SLC22A2: variants seen among roughly 807,000 people sequenced by gnomAD.
SLC22A2 encodes the protein organic cation transporter 2.
In SLC22A2, 46 loss-of-function variants were observed where a neutral mutation model predicts 60.5. That is an observed-to-expected ratio of 0.76 (90% CI 0.60 to 0.97). The LOEUF (loss-of-function observed/expected upper bound fraction) is 0.97. Among genes scored for constraint, SLC22A2 ranks in the 50% least tolerant of loss-of-function variants. SLC22A2 has a pLI of 0.00. For synonymous variants in SLC22A2, 303 were observed against 267.0 expected, an observed-to-expected ratio of 1.13 and a Z score of -1.31; for missense variants, 701 against 706.6, an observed-to-expected ratio of 0.99 and a Z score of 0.09.
At chr6:160,256,060 G>C (rs185533469) in intron 2 of SLC22A2, among the ~76,000 whole-genome samples, 2 of 152,076 alleles carry the variant, frequency 1.3e-5, no homozygotes, top group East Asian at 3.9e-4. Flanking sequence ...TTTACCCCTC[G>C]TGTTGTAGGC....
intron 3 of SLC22A2, among the ~76,000 whole-genome samples, chr6:160,249,673 A>C (rs538761538): frequency 1.3e-5 from 2 of 152,388 alleles, no homozygotes; most frequent in African/African-American, 4.8e-5. Context: ...TTTCAGATAC[A>C]TGCAAGATTT....
At chr6:160,229,939 A>G (rs1782791388) in intron 9 of SLC22A2, among the ~76,000 whole-genome samples, 1 of 151,816 alleles carries the variant, frequency 6.6e-6, no homozygotes, top group Non-Finnish European at 1.5e-5. Flanking sequence ...AAATGGGCAA[A>G]CGGTCTGAGG....
In SLC22A2 at chr6:160,253,380, T is replaced by G. The variant is rs148595162; in HGVS notation, c.519-2678A>C. On this transcript the variant is annotated intron_variant, in intron 2 of 10. Coordinates refer to ENST00000366953, the MANE Select transcript of SLC22A2 (RefSeq NM_003058.4). ...TGGTAACTTCTGGGTTGTAGAGTCATTGCCATTAAAAGGGGCTGGAGATTG... is the reference window on the plus strand; with the variant it reads ...TGGTAACTTCTGGGTTGTAGAGTCAGTGCCATTAAAAGGGGCTGGAGATTG... Among the ~76,000 whole-genome samples the G allele has an allele frequency of 7.1e-3, 1,089 of 152,328 alleles. 10 individuals carry two copies. The highest frequency in any genetic ancestry group is 0.025 in the African/African-American group (1,050 of 41,576).
At position 160,256,663 on chromosome 6, in the gene SLC22A2, T is replaced by C; in HGVS notation, c.469A>G (p.Asn157Asp). 1 of 1,614,148 alleles carries C rather than the reference T, an allele frequency of 6.2e-7. No individual in the cohort carries two copies. The highest frequency in any genetic ancestry group is 1.3e-5 in the African/African-American group (1 of 75,050). The change falls in exon 2 of 11, where the codon AAT becomes GAT. Residue 157 changes from asparagine to aspartate, a missense_variant. Coordinates refer to ENST00000366953, the MANE Select transcript of SLC22A2 (RefSeq NM_003058.4). The stretch of plus-strand genomic sequence containing the variant: ...ATAGAGCCAATAAAGAATCCTACAT[T>C]CACTGATGACTGGAATAGGTCCAAC... ...WMLDLFQSSV[N>D]VGFFIGSMSI...
rs112710522 is a variant in SLC22A2, at chr6:160,250,473, T to C, written c.673+75A>G. On this transcript the variant is annotated intron_variant, in intron 3 of 10. Coordinates refer to ENST00000366953, the MANE Select transcript of SLC22A2 (RefSeq NM_003058.4). ...TTGAAGCTGGGTCCCTTTTCTTGCA[T>C]GCCGCCCCCCACCTGACTCTATTTT... 2.4e-3 allele frequency: 3,480 copies of C among 1,449,902 alleles called. 69 individuals carry two copies. The African/African-American group carries it at 0.043, about 18-fold the overall frequency. The allele number at this position is 1,449,902 out of a possible 1,614,324, so 89.8% of individuals were successfully genotyped here. A position where few individuals can be genotyped will look rare whatever the true frequency, so the allele number is the denominator to read the frequency against.
intron 10 of SLC22A2, among the ~76,000 whole-genome samples, chr6:160,221,002 A>G (rs1422382456): frequency 3.9e-5 from 6 of 152,212 alleles, no homozygotes; most frequent in African/African-American, 1.4e-4. Context: ...CACCCTTCAC[A>G]AGAGAGTCAA....
intron 9 of SLC22A2, among the ~76,000 whole-genome samples, 198 bp downstream of exon 9, chr6:160,241,276 G>A (rs1782996065): frequency 6.6e-6 from 1 of 151,888 alleles, no homozygotes; most frequent in Non-Finnish European, 1.5e-5. Context: ...TTATTGATTA[G>A]TATTACTAAT....
intron 9 of SLC22A2, among the ~76,000 whole-genome samples, chr6:160,233,712 C>T (rs1408812607): frequency 6.6e-6 from 1 of 151,792 alleles, no homozygotes; most frequent in Non-Finnish European, 1.5e-5. Context: ...TTCTATATGA[C>T]AAATGCGCCT....
At chr6:160,245,769 G>T (rs9766047) in intron 5 of SLC22A2, among the ~76,000 whole-genome samples, 13,971 of 145,848 alleles carry the variant, frequency 0.096, 743 homozygotes, top group Non-Finnish European at 0.12. Flanking sequence ...TGCAATCTCG[G>T]CTCACTGCAA....
rs368405390 is a variant in SLC22A2 at position 160,254,338 on chromosome 6, AC to A, written c.518+2275del. 2.8e-3 allele frequency among the ~76,000 whole-genome samples: 428 copies of A among 152,300 alleles called. 3 individuals are homozygous for A. The highest frequency in any genetic ancestry group is 1.0e-2 in the African/African-American group (414 of 41,544). On this transcript the variant is annotated intron_variant, in intron 2 of 10. Transcript: ENST00000366953. ...ATTGCTGCTTGTTAAAATTAAAAAA[AC>A]CCTGGGATTGGTGAGGAATTGCTTT...
intron 3 of SLC22A2, among the ~76,000 whole-genome samples, chr6:160,249,994 A>G (rs1783157445): frequency 6.6e-6 from 1 of 152,216 alleles, no homozygotes; most frequent in African/African-American, 2.4e-5. Flanking sequence ...TTAGAAGTCA[A>G]ATATTCTCTT....
chr6:160,243,483 C>T, intron 7 of SLC22A2, 89 bp downstream of exon 7: 1 of 1,010,874 alleles, frequency 9.9e-7, no homozygotes, highest in Non-Finnish European at 1.5e-6. Flanking sequence ...ATTTGGATGA[C>T]AAATTACATG....
intron 4 of SLC22A2, among the ~76,000 whole-genome samples, chr6:160,247,928 G>A (rs928955958): frequency 2.0e-5 from 3 of 152,194 alleles, no homozygotes; most frequent in Admixed American, 2.0e-4. Flanking sequence ...GGCTGCTGCT[G>A]TGGCAGTTAT....
chr6:160,258,033 G>A, intron 1 of SLC22A2: 1 of 308,118 alleles, frequency 3.2e-6, no homozygotes, highest in Non-Finnish European at 6.0e-6. Context: ...AAAAGAGGAG[G>A]ATCCACAATA....
chr6:160,225,020 C>T (rs1350002770), intron 9 of SLC22A2, among the ~76,000 whole-genome samples: 1 of 152,130 alleles, frequency 6.6e-6, no homozygotes, highest in African/African-American at 2.4e-5. Flanking sequence ...AAATGAAATA[C>T]TTAACATTTT....
At chr6:160,228,476 T>G (rs935722819) in intron 9 of SLC22A2, among the ~76,000 whole-genome samples, 3 of 152,190 alleles carry the variant, frequency 2.0e-5, no homozygotes, top group African/African-American at 7.2e-5. Context: ...GAGTCTTTCC[T>G]AAGACTGAGG....
At chr6:160,249,578 T>A (rs1043319276) in intron 3 of SLC22A2, among the ~76,000 whole-genome samples, 194 bp from the exon 4 acceptor site, 2 of 152,232 alleles carry the variant, frequency 1.3e-5, no homozygotes, top group Non-Finnish European at 2.9e-5. Context: ...AATTAATAAA[T>A]CTTATAGTCC....
intron 9 of SLC22A2, among the ~76,000 whole-genome samples, chr6:160,229,213 T>G (rs896175608): frequency 6.6e-6 from 1 of 151,944 alleles, no homozygotes; most frequent in African/African-American, 2.4e-5. Flanking sequence ...TGGCCTCTCT[T>G]CACTCTCTTC....
At chr6:160,222,618 G>A (rs1166923983) in intron 10 of SLC22A2, among the ~76,000 whole-genome samples, 1 of 152,168 alleles carries the variant, frequency 6.6e-6, no homozygotes, top group African/African-American at 2.4e-5. Context: ...CATGTGTGTG[G>A]GAAGCTGCAT....
Sources: allele counts gnomAD v4.1 joint callset (sites outside exome capture counted in the v4.1 genomes callset), GRCh38; gene constraint gnomAD v4.1.1; transcripts MANE v1.5; gene names NCBI Gene and HGNC (gene_info 2026-07-23, HGNC 2026-07-21).